The following GFPT2 variants were observed in gnomAD, a reference collection of about 807,000 sequenced individuals.
GFPT2 encodes the protein glutamine--fructose-6-phosphate aminotransferase [isomerizing] 2.
GFPT2 carries 62 observed loss-of-function variants against 85.6 expected under a neutral mutation model. The ratio of observed to expected loss-of-function variants is 0.72; its 90% CI spans 0.59 to 0.90. The LOEUF (loss-of-function observed/expected upper bound fraction) is 0.90. Ranked by LOEUF, GFPT2 falls within the 40% of genes least tolerant of loss-of-function variation. The probability of loss-of-function intolerance (pLI) is 0.00; values close to 1 mark genes in which losing one functional copy is unlikely to be tolerated. For synonymous variants in GFPT2, 368 were observed against 344.5 expected, an observed-to-expected ratio of 1.07 and a Z score of -0.75; for missense variants, 788 against 893.4, an observed-to-expected ratio of 0.88 and a Z score of 1.50.
At chr5:180,321,908 C>T (rs982160543) in intron 9 of GFPT2, among the ~76,000 whole-genome samples, 3 of 152,082 alleles carry the variant, frequency 2.0e-5, no homozygotes, top group East Asian at 1.9e-4. Flanking sequence ...CTCAGCCTCC[C>T]GAGTAGCTGG....
chr5:180,348,370 T>C (rs73811447), intron 1 of GFPT2, among the ~76,000 whole-genome samples: 1,715 of 152,324 alleles, frequency 0.011, 33 homozygotes, highest in African/African-American at 0.04. Flanking sequence ...CCCCTGGGCC[T>C]TGGGCAAGGG....
chr5:180,328,359 A>G lies in GFPT2; in HGVS notation c.535-21T>C. 6.3e-7 allele frequency: 1 copy of G among 1,598,864 alleles called. No individual in the cohort carries two copies. The highest frequency in any genetic ancestry group is 8.6e-7 in the Non-Finnish European group (1 of 1,166,690). ...CCTTCCTGAAAACACACAAACAGTG[A>G]GGGTCAACGCGTTCCAGCAGCCGCT... On this transcript the variant is annotated intron_variant, in intron 6 of 18. Transcript: ENST00000253778. The surrounding 1 kb of genome is among the most constrained non-coding windows in gnomAD (Gnocchi z 5.4).
At chr5:180,337,987 C>T (rs978854739) in intron 2 of GFPT2, among the ~76,000 whole-genome samples, 2 of 152,130 alleles carry the variant, frequency 1.3e-5, no homozygotes, top group Non-Finnish European at 2.9e-5. Context: ...AAAAAATTAG[C>T]CGGGTGTGGT....
intron 9 of GFPT2, 53 bp downstream of exon 9, chr5:180,324,135 G>T: frequency 1.0e-6 from 1 of 980,664 alleles, no homozygotes. Context: ...TGTTTAGACA[G>T]GCATTCTTTG....
At position 180,328,202 on chromosome 5, in the gene GFPT2, T is replaced by G. The variant is rs1764246575; in HGVS notation, c.596+75A>C. ...CTTTCAGCGTGCCACAGGCCCTACCTCTCCCGTCTCCCTCCAGCTAAGTGA... is the reference window on the plus strand; with the variant it reads ...CTTTCAGCGTGCCACAGGCCCTACCGCTCCCGTCTCCCTCCAGCTAAGTGA... On this transcript the variant is annotated intron_variant, in intron 7 of 18. Coordinates refer to ENST00000253778, the MANE Select transcript of GFPT2 (RefSeq NM_005110.4). The surrounding 1 kb of genome is among the most constrained non-coding windows in gnomAD (Gnocchi z 5.4). 8.9e-7 allele frequency: 1 copy of G among 1,128,604 alleles called. No homozygotes were observed. The allele number at this position is 1,128,604 out of a possible 1,614,324, so 69.9% of individuals were successfully genotyped here.
intron 16 of GFPT2, among the ~76,000 whole-genome samples, chr5:180,306,621 G>A (rs548065929): frequency 6.6e-6 from 1 of 152,256 alleles, no homozygotes; most frequent in East Asian, 1.9e-4. Flanking sequence ...AAAAAGCAAG[G>A]CCTTCGAAGT....
chr5:180,315,787 T>C (rs933534464), intron 13 of GFPT2, among the ~76,000 whole-genome samples: 3 of 152,182 alleles, frequency 2.0e-5, no homozygotes, highest in Non-Finnish European at 4.4e-5. Context: ...TCAAGCCCAG[T>C]GTTGGGATGG....
At chr5:180,336,668 C>T in intron 2 of GFPT2, 91 bp from the exon 3 acceptor site, 7 of 837,072 alleles carry the variant, frequency 8.4e-6, no homozygotes, top group Non-Finnish European at 1.5e-5. Flanking sequence ...GCTGCATGCC[C>T]CGGGCTGTCC....
chr5:180,351,620 G>T (rs1488175646), intron 1 of GFPT2, among the ~76,000 whole-genome samples: 2 of 152,230 alleles, frequency 1.3e-5, no homozygotes, highest in Non-Finnish European at 2.9e-5. Context: ...TGAAGATACA[G>T]GTGGTCACAC....
intron 4 of GFPT2, among the ~76,000 whole-genome samples, chr5:180,333,013 C>T (rs7727934): frequency 0.09 from 13,671 of 152,078 alleles, 1,049 homozygotes; most frequent in African/African-American, 0.21. Flanking sequence ...GAGGTCACAC[C>T]CAAAAATGGG....
chr5:180,304,812 G>A lies in GFPT2; in HGVS notation c.1802C>T (p.Ala601Val), dbSNP rs1329852196. The change falls in exon 17 of 19, where the codon GCC becomes GTC. Residue 601 changes from alanine to valine, a missense_variant. Coordinates refer to ENST00000253778, the MANE Select transcript of GFPT2 (RefSeq NM_005110.4). Reference sequence around the variant, plus strand: ...TTGCTGCAGGGCGTTCTGGCATTTGGCGAAGCAAGGATCCTTCATAATGAC... The same window carrying A: ...TTGCTGCAGGGCGTTCTGGCATTTGACGAAGCAAGGATCCTTCATAATGAC... ...IMVIMKDPCF[A>V]KCQNALQQVT... 1.7e-5 allele frequency: 28 copies of A among 1,613,870 alleles called. No homozygotes were observed. The highest frequency in any genetic ancestry group is 2.3e-5 in the Non-Finnish European group (27 of 1,179,900).
chr5:180,310,654 G>A (rs1561872769), intron 15 of GFPT2, among the ~76,000 whole-genome samples: 1 of 151,254 alleles, frequency 6.6e-6, no homozygotes, highest in Non-Finnish European at 1.5e-5. Flanking sequence ...CAGGTGATCC[G>A]CCCACTTCAG....
In GFPT2 at chr5:180,336,560, T is replaced by G. The variant is rs372601171; in HGVS notation, c.133A>C (p.Asn45His). The G allele has an allele frequency of 1.4e-5, 23 of 1,608,220 alleles. No homozygotes were observed. The East Asian group carries it at 2.5e-4, about 17-fold the overall frequency. Residue 45 changes from asparagine to histidine, a missense_variant, in exon 3 of 19, where the codon AAT (asparagine) becomes CAT (histidine). Asn to His is a moderately conservative substitution (Grantham distance 68). Coordinates refer to ENST00000253778, the MANE Select transcript of GFPT2 (RefSeq NM_005110.4). Reference protein sequence around the residue: ...YDSAGVAIDGNNHEVKERHIQ... With the variant: ...YDSAGVAIDGHNHEVKERHIQ... Reference sequence around the variant, plus strand: ...TGTCTTTCTTTGACTTCGTGATTATTCCCATCGATCGCCACACCTGTGATG... The same window carrying G: ...TGTCTTTCTTTGACTTCGTGATTATGCCCATCGATCGCCACACCTGTGATG...
In GFPT2 at chr5:180,321,819, T is replaced by A. The variant is rs919671402; in HGVS notation, c.794+2369A>T. 2.0e-5 allele frequency among the ~76,000 whole-genome samples: 3 copies of A among 152,248 alleles called. No homozygotes were observed. In the South Asian group the frequency reaches 6.2e-4, roughly 31 times the overall value. On this transcript the variant is annotated intron_variant, in intron 9 of 18. Coordinates refer to ENST00000253778, the MANE Select transcript of GFPT2 (RefSeq NM_005110.4). ...TTTGTTTTGAGACGGAGTCTCGCTC[T>A]GTTGCCCAGGCTGGAGTGCAGTGGC...
At chr5:180,313,986 A>T in intron 13 of GFPT2, 22 bp from the exon 14 acceptor site, 1 of 1,576,298 alleles carries the variant, frequency 6.3e-7, no homozygotes, top group Admixed American at 1.7e-5. Context: ...GGGCCCTCTC[A>T]GTGCCGCGCT....
intron 1 of GFPT2, among the ~76,000 whole-genome samples, chr5:180,352,131 G>A (rs1764721445): frequency 6.6e-6 from 1 of 152,238 alleles, no homozygotes; most frequent in Non-Finnish European, 1.5e-5. Context: ...CCCGAAGCAC[G>A]CTGCCCGCTC....
At chr5:180,332,043 G>C (rs1764312198) in intron 4 of GFPT2, among the ~76,000 whole-genome samples, 1 of 152,252 alleles carries the variant, frequency 6.6e-6, no homozygotes, top group South Asian at 2.1e-4. Context: ...AATTCTGAGT[G>C]TTCACTTTAA....
In GFPT2 at chr5:180,324,895, C is replaced by G. The variant is rs1245613433; in HGVS notation, c.597G>C (p.Arg199=). 6.2e-7 allele frequency: 1 copy of G among 1,601,162 alleles called. No homozygotes were observed. The highest frequency in any genetic ancestry group is 8.6e-7 in the Non-Finnish European group (1 of 1,168,362). Residue 199 remains arginine, a splice_region_variant and synonymous_variant, in exon 8 of 19, where the codon CGG becomes CGC. Transcript: ENST00000253778. ...CTCCGATGAGCAGGGGGCTGCCTCT[C>G]CTGTAGGGAGAAAGAGGCATCCCAT... ...VHYPGEAVAT[R]RGSPLLIGVR... is the part of the protein sequence containing the mutation.
intron 6 of GFPT2, among the ~76,000 whole-genome samples, chr5:180,329,808 G>A (rs760407866): frequency 2.1e-4 from 32 of 152,182 alleles, no homozygotes; most frequent in African/African-American, 5.8e-4. Context: ...TGAGAGGCCC[G>A]GACCCCTCTC....
Sources: allele counts gnomAD v4.1 joint callset (sites outside exome capture counted in the v4.1 genomes callset), GRCh38; gene constraint gnomAD v4.1.1; non-coding constraint Gnocchi (gnomAD v3.1); transcripts MANE v1.5; gene names NCBI Gene and HGNC (gene_info 2026-07-23, HGNC 2026-07-21).